NRAP: variants seen among roughly 807,000 people sequenced by gnomAD.
NRAP encodes the protein nebulin related anchoring protein.
A neutral mutation model predicts 225.9 loss-of-function variants in NRAP; 189 were observed. The observed-to-expected ratio is 0.84, with a 90% CI of 0.74 to 0.94. NRAP has a LOEUF of 0.94. Among genes scored for constraint, NRAP ranks in the 40% least tolerant of loss-of-function variants. The pLI is 0.00. For synonymous variants in NRAP, 769 were observed against 790.7 expected, an observed-to-expected ratio of 0.97 and a Z score of 0.46; for missense variants, 2,176 against 2,168.7, an observed-to-expected ratio of 1.00 and a Z score of -0.07.
At chr10:113,645,504 G>GCCTC (rs1554865544) in intron 11 of NRAP, among the ~76,000 whole-genome samples, 10 of 152,076 alleles carry the variant, frequency 6.6e-5, no homozygotes, top group Non-Finnish European at 1.5e-4. Flanking sequence ...CGCGACCTCC[G>GCCTC]CCTCCCGAGT....
rs1847932297 is a variant in NRAP, at chr10:113,620,676, T to C, written c.2802A>G (p.Lys934=). 1.2e-6 allele frequency: 2 copies of C among 1,613,078 alleles called. No individual in the cohort carries two copies. Among genetic ancestry groups the C allele is most frequent in the Non-Finnish European group, 1.7e-6 (2 of 1,179,480 alleles). Residue 934 remains lysine (K), a synonymous_variant, in exon 25 of 42, where the codon AAA becomes AAG. Coordinates refer to ENST00000359988, the MANE Select transcript of NRAP (RefSeq NM_198060.4). ...NQYRADVKWM[K]GMGWVATGSL... ...ACCCGGTGGCGACCCAGCCCATGCC[T>C]TTCATCCACTTCACATCTGCCCTGT...
intron 27 of NRAP, 130 bp downstream of exon 27, chr10:113,615,582 A>C: frequency 1.5e-6 from 1 of 676,088 alleles, no homozygotes; most frequent in Non-Finnish European, 2.7e-6. Context: ...AAAATATCAC[A>C]TATTTCAAGG....
chr10:113,640,424 C>A, intron 13 of NRAP, 93 bp from the exon 14 acceptor site: 3 of 660,056 alleles, frequency 4.5e-6, no homozygotes, highest in South Asian at 2.1e-5. Flanking sequence ...TTTTAAATAC[C>A]CAGAAACGAA....
At chr10:113,595,325 C>T (rs1177654869) in intron 38 of NRAP, among the ~76,000 whole-genome samples, 1 of 152,178 alleles carries the variant, frequency 6.6e-6, no homozygotes, top group Non-Finnish European at 1.5e-5. Flanking sequence ...GACCACTCCC[C>T]TCATGGTTAC....
At position 113,596,917 on chromosome 10, in the gene NRAP, A is replaced by C. The variant is rs73354029; in HGVS notation, c.4431+169T>G. Among the ~76,000 whole-genome samples, 2,552 of 152,300 alleles carry C rather than the reference A, an allele frequency of 0.017. 74 individuals are homozygous for C. The highest frequency in any genetic ancestry group is 0.058 in the African/African-American group (2,415 of 41,548). On this transcript the variant is annotated intron_variant, in intron 37 of 41. Transcript: ENST00000359988. The stretch of plus-strand genomic sequence containing the variant: ...TTAGAAGGGATTCAGCAACTGGCCC[A>C]AGACCATCCAGGTCATAGAAAGATT...
chr10:113,660,512 A>T (rs2134217167), intron 3 of NRAP, among the ~76,000 whole-genome samples: 1 of 152,304 alleles, frequency 6.6e-6, no homozygotes, highest in Middle Eastern at 3.4e-3. Flanking sequence ...GCCTTGCTCC[A>T]GGTTGGGCCT....
At chr10:113,617,005 A>G (rs1564720178) in intron 26 of NRAP, among the ~76,000 whole-genome samples, 1 of 152,198 alleles carries the variant, frequency 6.6e-6, no homozygotes, top group Admixed American at 6.5e-5. Context: ...TCTGATGTAT[A>G]TAAATCAGAC....
intron 25 of NRAP, among the ~76,000 whole-genome samples, chr10:113,618,078 A>G (rs1260929406): frequency 6.6e-6 from 1 of 152,104 alleles, no homozygotes; most frequent in African/African-American, 2.4e-5. Context: ...ATTCTTTAAA[A>G]TATTACAATA....
chr10:113,588,892 T>G lies in NRAP; in HGVS notation c.*83A>C. On this transcript the variant is annotated 3_prime_UTR_variant, in exon 42 of 42. Coordinates refer to ENST00000359988, the MANE Select transcript of NRAP (RefSeq NM_198060.4). ...GGATGGGCTGGTGGGCCATTCCAGCTTGCCGAAATCAAAGCCATCTGAAGC... is the reference window on the plus strand; with the variant it reads ...GGATGGGCTGGTGGGCCATTCCAGCGTGCCGAAATCAAAGCCATCTGAAGC... 1 of 1,025,926 alleles carries G rather than the reference T, an allele frequency of 9.7e-7. No individual in the cohort carries two copies. Among genetic ancestry groups the G allele is most frequent in the Non-Finnish European group, 1.5e-6 (1 of 659,994 alleles). The allele number at this position is 1,025,926 out of a possible 1,614,324, so 63.6% of individuals were successfully genotyped here.
chr10:113,607,091 C>T (rs1461551977), intron 32 of NRAP, among the ~76,000 whole-genome samples: 2 of 152,016 alleles, frequency 1.3e-5, no homozygotes. Context: ...ATCCCAGCTA[C>T]TTGGGAGTCC....
At position 113,614,246 on chromosome 10, in the gene NRAP, G is replaced by A. The variant is rs1264358351; in HGVS notation, c.3237C>T (p.Ser1079=). The A allele has an allele frequency of 6.2e-7, 1 of 1,614,106 alleles. No homozygotes were observed. Among genetic ancestry groups the A allele is most frequent in the Admixed American group, 1.7e-5 (1 of 60,020 alleles). ...FEKMKGQMLG[S]RSLEDDISLA... ...GGCTGATATCATCTTCCAAGCTCCGGGAACCAAGCATCTGTCCTTTCATTT... is the reference window on the plus strand; with the variant it reads ...GGCTGATATCATCTTCCAAGCTCCGAGAACCAAGCATCTGTCCTTTCATTT... The change falls in exon 29 of 42, where the codon TCC becomes TCT. Residue 1079 remains serine, a synonymous_variant. Coordinates refer to ENST00000359988, the MANE Select transcript of NRAP (RefSeq NM_198060.4).
intron 29 of NRAP, among the ~76,000 whole-genome samples, chr10:113,613,769 C>T (rs967917435): frequency 2.0e-5 from 3 of 152,172 alleles, no homozygotes; most frequent in Non-Finnish European, 2.9e-5. Flanking sequence ...CCACTACAAC[C>T]AACTGTAGCC....
At chr10:113,653,983 G>T in intron 5 of NRAP, 38 bp downstream of exon 5, 1 of 1,261,032 alleles carries the variant, frequency 7.9e-7, no homozygotes, top group Non-Finnish European at 1.2e-6. Flanking sequence ...CTAAGTAATT[G>T]CTAAACCAAT....
chr10:113,640,643 A>G (rs914203835), intron 13 of NRAP, among the ~76,000 whole-genome samples: 3 of 152,148 alleles, frequency 2.0e-5, no homozygotes, highest in South Asian at 2.1e-4. Flanking sequence ...TCCTTGGCTA[A>G]CCCCAAGAAA....
At chr10:113,610,816 C>T (rs1053357641) in intron 30 of NRAP, among the ~76,000 whole-genome samples, 17 of 152,168 alleles carry the variant, frequency 1.1e-4, no homozygotes, top group African/African-American at 4.1e-4. Context: ...AGCTGTTCCA[C>T]AGAAGCGAGA....
At chr10:113,647,472 TGGTACTGTCTCCCCC>T (rs1429385506) in intron 9 of NRAP, among the ~76,000 whole-genome samples, 3 of 151,684 alleles carry the variant, frequency 2.0e-5, no homozygotes, top group African/African-American at 4.8e-5. Flanking sequence ...CCTCCCCAAG[TGGTACTGTCTCCCCC>T]GGTGGTACTG....
intron 28 of NRAP, 111 bp from the exon 29 acceptor site, chr10:113,614,407 G>T: frequency 1.3e-6 from 1 of 785,992 alleles, no homozygotes; most frequent in Non-Finnish European, 2.2e-6. Context: ...AGCTGGGTGA[G>T]TTAAAAGAAA....
rs769091074 is a variant in NRAP at position 113,589,757 on chromosome 10, C to CCAA, written c.4994_4996dup (p.Val1665dup). On this transcript the variant is annotated inframe_insertion, in exon 41 of 42. Coordinates refer to ENST00000359988, the MANE Select transcript of NRAP (RefSeq NM_198060.4). ...TTTGTAGGAGCCAGGAGGGGTCCAG[C>CCAA]CAACACCTCTGGTCAGGTTCAAGTC... is the stretch of plus-strand genomic sequence containing the variant. The CCAA allele has an allele frequency of 1.2e-5, 20 of 1,613,998 alleles. No homozygotes were observed. The highest frequency in any genetic ancestry group is 1.7e-5 in the Non-Finnish European group (20 of 1,180,024).
At position 113,619,907 on chromosome 10, in the gene NRAP, A is replaced by G. The variant is rs1254238692; in HGVS notation, c.2874+697T>C. Among the ~76,000 whole-genome samples the G allele has an allele frequency of 6.6e-5, 10 of 152,230 alleles. No homozygotes were observed. In the East Asian group the frequency reaches 1.9e-3, roughly 29 times the overall value. On this transcript the variant is annotated intron_variant, in intron 25 of 41. Coordinates refer to ENST00000359988, the MANE Select transcript of NRAP (RefSeq NM_198060.4). ...GGGGCTTTCGGCAATGTCTCGATCC[A>G]TTTTTGGTTGTCACAGAGGGCACTA...
Sources: allele counts gnomAD v4.1 joint callset (sites outside exome capture counted in the v4.1 genomes callset), GRCh38; gene constraint gnomAD v4.1.1; transcripts MANE v1.5; gene names NCBI Gene and HGNC (gene_info 2026-07-23, HGNC 2026-07-21).